The following DMD variants were observed in gnomAD, a reference collection of about 807,000 sequenced individuals.
DMD encodes the protein dystrophin.
DMD carries 63 observed loss-of-function variants against 330.1 expected under a neutral mutation model. The observed-to-expected ratio is 0.19, with a 90% CI of 0.16 to 0.24. The LOEUF (loss-of-function observed/expected upper bound fraction) is 0.24. Among genes scored for constraint, DMD ranks in the 10% least tolerant of loss-of-function variants. DMD has a pLI of 1.00. For synonymous variants in DMD, 1,223 were observed against 959.8 expected (o/e 1.27, Z -5.07); for missense variants, 3,344 against 2,684.1 (o/e 1.25, Z -5.43).
intron 44 of DMD, among the ~76,000 whole-genome samples, chrX:31,996,038 C>A (rs1258723027): frequency 1.8e-5 from 2 of 111,870 alleles, no homozygotes; most frequent in African/African-American, 6.5e-5. Flanking sequence ...AAGTCCCATT[C>A]AAAAATCTAC....
At chrX:32,829,778 A>G in intron 4 of DMD, among the ~76,000 whole-genome samples, 1 of 111,574 alleles carries the variant, frequency 9.0e-6, no homozygotes, top group Non-Finnish European at 1.9e-5. Context: ...AACATTTTAC[A>G]TTTATGTGCA....
At chrX:32,150,816 T>C (rs1031737576) in intron 44 of DMD, among the ~76,000 whole-genome samples, 4 of 111,617 alleles carry the variant, frequency 3.6e-5, no homozygotes, top group Non-Finnish European at 7.5e-5. Context: ...GCTTGAAACA[T>C]CTTTAGGTAA....
chrX:32,632,531 C>T (rs920990443), intron 11 of DMD, among the ~76,000 whole-genome samples: 2 of 112,682 alleles, frequency 1.8e-5, no homozygotes, highest in Admixed American at 1.9e-4. Context: ...TGTGAGGGTT[C>T]TGCCCCTGGA....
At chrX:32,967,744 C>T (rs1421689332) in intron 2 of DMD, among the ~76,000 whole-genome samples, 1 of 111,498 alleles carries the variant, frequency 9.0e-6, no homozygotes, top group Admixed American at 9.5e-5. Flanking sequence ...TACCAAATGA[C>T]TCATCTTTTT....
chrX:32,063,298 C>A (rs916934601), intron 44 of DMD, among the ~76,000 whole-genome samples: 1 of 110,267 alleles, frequency 9.1e-6, no homozygotes, highest in African/African-American at 3.3e-5. Context: ...GACAATCTAT[C>A]CTTTGGAGTG....
At chrX:32,473,420 T>C (rs927239694) in intron 21 of DMD, among the ~76,000 whole-genome samples, 1 of 111,573 alleles carries the variant, frequency 9.0e-6, no homozygotes, top group Non-Finnish European at 1.9e-5. Context: ...TAATGGCTAA[T>C]AATGTTTCTA....
chrX:33,075,828 G>A (rs2094831882), intron 1 of DMD, among the ~76,000 whole-genome samples: 1 of 111,648 alleles, frequency 9.0e-6, no homozygotes, highest in African/African-American at 3.3e-5. Context: ...GAGGAACTTA[G>A]TTTATAGCTT....
At chrX:32,455,066 C>A (rs138952244) in intron 25 of DMD, among the ~76,000 whole-genome samples, 1 of 110,432 alleles carries the variant, frequency 9.1e-6, no homozygotes, top group South Asian at 3.7e-4. Context: ...ACGTATTGCC[C>A]GATGATGATA....
intron 9 of DMD, among the ~76,000 whole-genome samples, chrX:32,672,306 C>T (rs1323674664): frequency 9.0e-6 from 1 of 111,057 alleles, no homozygotes; most frequent in Non-Finnish European, 1.9e-5. Context: ...GGATATAAAA[C>T]ACAGCATTTT....
intron 43 of DMD, among the ~76,000 whole-genome samples, chrX:32,280,448 CAGTA>C (rs1417037846): frequency 1.8e-5 from 2 of 110,213 alleles, no homozygotes; most frequent in Admixed American, 9.8e-5. Context: ...CAGAAACCAA[CAGTA>C]AGTATTTTGT....
chrX:31,142,984 T>C (rs1473462977), intron 76 of DMD, among the ~76,000 whole-genome samples: 2 of 111,999 alleles, frequency 1.8e-5, no homozygotes, highest in Non-Finnish European at 3.8e-5. Context: ...GTCATCGGGG[T>C]TGCATATTTA....
At chrX:32,609,911 A>C (rs1000495414) in intron 12 of DMD, among the ~76,000 whole-genome samples, 4 of 111,245 alleles carry the variant, frequency 3.6e-5, no homozygotes, top group Non-Finnish European at 5.7e-5. Flanking sequence ...CTAGCTAGTA[A>C]ACTCAGCTTT....
intron 7 of DMD, among the ~76,000 whole-genome samples, chrX:32,781,735 C>A (rs771783704): frequency 2.7e-4 from 30 of 110,791 alleles, no homozygotes; most frequent in Non-Finnish European, 9.4e-5. Flanking sequence ...TACGTGCACA[C>A]ACATACATCC....
chrX:32,025,959 T>A (rs1004500503), intron 44 of DMD, among the ~76,000 whole-genome samples: 15 of 112,264 alleles, frequency 1.3e-4, no homozygotes, highest in African/African-American at 4.8e-4. Flanking sequence ...CATTTCTACA[T>A]GTATTTTTTT....
At chrX:32,221,601 G>A (rs1569551664) in intron 43 of DMD, among the ~76,000 whole-genome samples, 1 of 110,949 alleles carries the variant, frequency 9.0e-6, no homozygotes. Context: ...GTGATTTTTG[G>A]TTACATGAAT....
chrX:33,163,612 A>AACTATC, intron 1 of DMD, among the ~76,000 whole-genome samples: 1 of 16,989 alleles, frequency 5.9e-5, no homozygotes, highest in African/African-American at 3.0e-4. Context: ...ATATATCTAT[A>AACTATC]TCTATCTCTA....
chrX:32,561,255 C>G (rs1448486594), intron 16 of DMD, among the ~76,000 whole-genome samples: 1 of 111,217 alleles, frequency 9.0e-6, no homozygotes, highest in Non-Finnish European at 1.9e-5. Flanking sequence ...AGCTAACAAC[C>G]ACGATAAAAC....
chrX:31,803,416 T>C (rs761045695), intron 50 of DMD, among the ~76,000 whole-genome samples: 1 of 112,331 alleles, frequency 8.9e-6, no homozygotes, highest in Non-Finnish European at 1.9e-5. Context: ...GTCTTATCTA[T>C]AGATGATTAC....
intron 7 of DMD, among the ~76,000 whole-genome samples, chrX:32,713,179 T>C (rs1370531784): frequency 8.9e-6 from 1 of 111,989 alleles, no homozygotes; most frequent in Non-Finnish European, 1.9e-5. Context: ...ACTCACGCAT[T>C]TACATTTAAA....
Sources: allele counts gnomAD v4.1 joint callset (sites outside exome capture counted in the v4.1 genomes callset), GRCh38; gene constraint gnomAD v4.1.1; transcripts MANE v1.5; gene names NCBI Gene and HGNC (gene_info 2026-07-23, HGNC 2026-07-21).